The following RANBP3L variants were observed in gnomAD, a reference collection of about 807,000 sequenced individuals.
RANBP3L encodes the protein RAN binding protein 3 like, also known as ran-binding protein 3-like.
A neutral mutation model predicts 67.2 loss-of-function variants in RANBP3L; 56 were observed. The observed-to-expected ratio is 0.83, with a 90% CI of 0.67 to 1.04. The LOEUF (loss-of-function observed/expected upper bound fraction) is 1.04. Among genes scored for constraint, RANBP3L ranks in the 50% least tolerant of loss-of-function variants. The pLI is 0.00. For missense variants in RANBP3L, 496 were observed against 535.5 expected (o/e 0.93, Z 0.73); for synonymous variants, 164 against 181.4 (o/e 0.90, Z 0.77).
At chr5:36,274,754 G>A (rs1437338971) in intron 1 of RANBP3L, among the ~76,000 whole-genome samples, 1 of 152,036 alleles carries the variant, frequency 6.6e-6, no homozygotes, top group African/African-American at 2.4e-5. Flanking sequence ...CCCCTCCCGC[G>A]GTGATGAAAG....
chr5:36,291,212 T>TA (rs1751730224), intron 1 of RANBP3L, among the ~76,000 whole-genome samples: 1 of 152,102 alleles, frequency 6.6e-6, no homozygotes, highest in Admixed American at 6.5e-5. Context: ...CAACATATCC[T>TA]CAATCCTTTC....
intron 1 of RANBP3L, among the ~76,000 whole-genome samples, chr5:36,297,991 T>TG (rs1373599024): frequency 6.6e-6 from 1 of 152,058 alleles, no homozygotes; most frequent in African/African-American, 2.4e-5. Flanking sequence ...GCATATGGCA[T>TG]GGGGGGTTAG....
At chr5:36,299,804 G>A (rs1042369810) in intron 1 of RANBP3L, among the ~76,000 whole-genome samples, 7 of 152,162 alleles carry the variant, frequency 4.6e-5, no homozygotes, top group African/African-American at 1.4e-4. Flanking sequence ...TAAGGTTGTA[G>A]AAGAATATTT....
At chr5:36,263,386 T>C (rs1749531258) in intron 6 of RANBP3L, among the ~76,000 whole-genome samples, 1 of 152,116 alleles carries the variant, frequency 6.6e-6, no homozygotes, top group Non-Finnish European at 1.5e-5. Context: ...TTTACAAAAA[T>C]TCTGCCAAGA....
At chr5:36,298,015 G>T (rs977488673) in intron 1 of RANBP3L, among the ~76,000 whole-genome samples, 4 of 151,966 alleles carry the variant, frequency 2.6e-5, no homozygotes, top group African/African-American at 9.7e-5. Flanking sequence ...ATATATATGT[G>T]TTGAGGTCAG....
intron 1 of RANBP3L, among the ~76,000 whole-genome samples, chr5:36,286,381 T>C (rs1040299034): frequency 2.0e-5 from 3 of 152,186 alleles, no homozygotes; most frequent in African/African-American, 4.8e-5. Flanking sequence ...ACCATGTAAC[T>C]GCTCTTTCCT....
intron 1 of RANBP3L, among the ~76,000 whole-genome samples, chr5:36,298,187 C>T (rs1752365666): frequency 6.6e-6 from 1 of 151,240 alleles, no homozygotes; most frequent in African/African-American, 2.4e-5. Flanking sequence ...GTAGTCCGAG[C>T]TACTCAGGAG....
chr5:36,267,049 G>A (rs1392848654), intron 4 of RANBP3L, among the ~76,000 whole-genome samples: 2 of 152,082 alleles, frequency 1.3e-5, no homozygotes, highest in African/African-American at 2.4e-5. Flanking sequence ...GAGCCAACAC[G>A]CCCAGCCAGG....
At chr5:36,278,088 C>T (rs1442967000) in intron 1 of RANBP3L, among the ~76,000 whole-genome samples, 2 of 152,128 alleles carry the variant, frequency 1.3e-5, no homozygotes, top group Non-Finnish European at 2.9e-5. Context: ...AGCTACAATT[C>T]AAGAGGAGAT....
chr5:36,281,247 G>A (rs570938373), intron 1 of RANBP3L, among the ~76,000 whole-genome samples: 21 of 152,216 alleles, frequency 1.4e-4, no homozygotes, highest in Middle Eastern at 3.4e-3. Context: ...GAGTTGTAAC[G>A]ATTCAGCAAG....
At position 36,262,035 on chromosome 5, in the gene RANBP3L, T is replaced by G; in HGVS notation, c.488A>C (p.Glu163Ala). Reference sequence around the variant, plus strand: ...TTCACTTAACAAATAGGAATTTCCCTCAGAAATCTGAAAGTAAAGAAATCC... The same window carrying G: ...TTCACTTAACAAATAGGAATTTCCCGCAGAAATCTGAAAGTAAAGAAATCC... ...TKEKTNNKIS[E>A]GNSYLLSENL... is the part of the protein sequence containing the mutation. Residue 163 changes from glutamate to alanine, a missense_variant, in exon 7 of 14, where the codon GAG (glutamate) becomes GCG (alanine). Glu to Ala is a moderately radical substitution (Grantham distance 107). Coordinates refer to ENST00000296604, the MANE Select transcript of RANBP3L (RefSeq NM_145000.5). 1 of 1,554,058 alleles carries G rather than the reference T, an allele frequency of 6.4e-7. No homozygotes were observed. The highest frequency in any genetic ancestry group is 8.9e-7 in the Non-Finnish European group (1 of 1,127,886).
At chr5:36,272,924 G>T (rs990287529) in intron 1 of RANBP3L, among the ~76,000 whole-genome samples, 1 of 152,140 alleles carries the variant, frequency 6.6e-6, no homozygotes, top group Non-Finnish European at 1.5e-5. Flanking sequence ...TTACAGGTGT[G>T]AGCCACCACA....
intron 1 of RANBP3L, among the ~76,000 whole-genome samples, chr5:36,274,592 A>G (rs1046746561): frequency 6.6e-6 from 1 of 152,222 alleles, no homozygotes; most frequent in African/African-American, 2.4e-5. Flanking sequence ...AAGGGTTACA[A>G]AACAGGGCTG....
intron 8 of RANBP3L, among the ~76,000 whole-genome samples, chr5:36,258,259 G>T (rs1749136652): frequency 6.6e-6 from 1 of 152,142 alleles, no homozygotes; most frequent in Non-Finnish European, 1.5e-5. Flanking sequence ...CATGACATTT[G>T]TGATAATGTG....
At chr5:36,287,478 A>G in intron 1 of RANBP3L, among the ~76,000 whole-genome samples, 1 of 152,210 alleles carries the variant, frequency 6.6e-6, no homozygotes, top group East Asian at 1.9e-4. Context: ...TGCAAACAAG[A>G]TGAAGTAGAG....
At chr5:36,271,223 A>G (rs201322441) in intron 2 of RANBP3L, 30 bp downstream of exon 2, 88 of 1,225,216 alleles carry the variant, frequency 7.2e-5, no homozygotes, top group Non-Finnish European at 9.3e-5. Flanking sequence ...TTGTCAAAGT[A>G]AAATTGAACA....
chr5:36,253,026 G>A lies in RANBP3L; in HGVS notation c.1167+621C>T, dbSNP rs1748708190. On this transcript the variant is annotated intron_variant, in intron 12 of 13. Transcript: ENST00000296604. ...TTTTTTGAGGGGAGGTTGTGGTTTT[G>A]TTTTTGCGTTTCATTTTGTTTTGTT... 2.0e-5 allele frequency among the ~76,000 whole-genome samples: 3 copies of A among 151,928 alleles called. No homozygotes were observed. In the South Asian group the frequency reaches 6.2e-4, roughly 32 times the overall value.
chr5:36,276,160 A>C (rs1298123335), intron 1 of RANBP3L, among the ~76,000 whole-genome samples: 1 of 152,308 alleles, frequency 6.6e-6, no homozygotes, highest in South Asian at 2.1e-4. Flanking sequence ...CACTGAGTTC[A>C]GAAAGCAATC....
In RANBP3L at chr5:36,265,045, G is replaced by A; in HGVS notation, c.394C>T (p.Gln132Ter). Residue 132 changes from glutamine to a stop codon, truncating the protein, a stop_gained, in exon 6 of 14, where the codon CAA (glutamine) becomes TAA (stop). Coordinates refer to ENST00000296604, the MANE Select transcript of RANBP3L (RefSeq NM_145000.5). LOFTEE classifies it high-confidence loss of function. Reference protein sequence around the residue: ...VIRPAILQLPQARSCAKVRKT... With the variant: ...VIRPAILQLP ...CTTACTTTTGCACAACTTCGAGCTT[G>A]AGGTAGCTGCAAAATAGCAGGTCTA... The A allele has an allele frequency of 6.2e-7, 1 of 1,613,084 alleles. No homozygotes were observed. Among genetic ancestry groups the A allele is most frequent in the Non-Finnish European group, 8.5e-7 (1 of 1,179,112 alleles).
Sources: allele counts gnomAD v4.1 joint callset (sites outside exome capture counted in the v4.1 genomes callset), GRCh38; gene constraint gnomAD v4.1.1; transcripts MANE v1.5; gene names NCBI Gene and HGNC (gene_info 2026-07-23, HGNC 2026-07-21).